MCPH1: variants seen among roughly 807,000 people sequenced by gnomAD.
The protein encoded by MCPH1 is microcephalin 1.
Under a neutral mutation model 84.5 loss-of-function variants are expected in MCPH1, and 104 were observed. The observed-to-expected ratio is 1.23, with a 90% CI of 1.05 to 1.45. The LOEUF is 1.45. Ranked by LOEUF, MCPH1 falls within the 40% of genes most tolerant of loss-of-function variation. MCPH1 has a pLI of 0.00. For missense variants in MCPH1, 1,498 were observed against 1,005.7 expected, an observed-to-expected ratio of 1.49 and a Z score of -6.62; for synonymous variants, 514 against 366.8, an observed-to-expected ratio of 1.40 and a Z score of -4.58.
intron 12 of MCPH1, among the ~76,000 whole-genome samples, chr8:6,552,081 CA>C (rs1182115826): frequency 6.6e-6 from 1 of 152,154 alleles, no homozygotes; most frequent in Non-Finnish European, 1.5e-5. Context: ...CAAAGAAAAT[CA>C]GAGGAAATGG....
At chr8:6,505,866 A>C (rs1390238945) in intron 12 of MCPH1, among the ~76,000 whole-genome samples, 1 of 136,650 alleles carries the variant, frequency 7.3e-6, no homozygotes, top group East Asian at 2.0e-4. Flanking sequence ...ATATAAAAAC[A>C]TACATATTCT....
At chr8:6,522,248 T>G (rs974762086) in intron 12 of MCPH1, among the ~76,000 whole-genome samples, 21 of 151,546 alleles carry the variant, frequency 1.4e-4, no homozygotes, top group African/African-American at 4.1e-4. Context: ...ACAGCTACTC[T>G]GGAGGCTGAG....
At chr8:6,469,767 G>C (rs1807469725) in intron 9 of MCPH1, among the ~76,000 whole-genome samples, 1 of 152,034 alleles carries the variant, frequency 6.6e-6, no homozygotes, top group African/African-American at 2.4e-5. Flanking sequence ...ACCTATCTTT[G>C]GTCTTACTAA....
intron 12 of MCPH1, chr8:6,514,822 T>C (rs1586273707): frequency 6.6e-7 from 1 of 1,514,856 alleles, no homozygotes; most frequent in Non-Finnish European, 9.1e-7. Flanking sequence ...GCCCCCCCAC[T>C]CCCCCCTTAC....
At chr8:6,527,717 A>G in intron 12 of MCPH1, 1 of 1,541,902 alleles carries the variant, frequency 6.5e-7, no homozygotes. Context: ...TTATTTTTTA[A>G]TTAGTTTAAC....
rs576380170 is a variant in MCPH1, at chr8:6,598,840, C to T, written c.2215-22614C>T. ...GCCGAGGGTGGCCAGGCTGGAGCTG[C>T]GGCTTCCCGCCCGATGCATTGCAGA... On this transcript the variant is annotated intron_variant, in intron 12 of 13. Coordinates refer to ENST00000344683, the MANE Select transcript of MCPH1 (RefSeq NM_024596.5). 5.3e-5 allele frequency among the ~76,000 whole-genome samples: 8 copies of T among 152,332 alleles called. No homozygotes were observed. In the East Asian group the frequency reaches 1.2e-3, roughly 22 times the overall value.
chr8:6,622,654 G>A (rs911565916), intron 13 of MCPH1, among the ~76,000 whole-genome samples: 5 of 152,156 alleles, frequency 3.3e-5, no homozygotes, highest in African/African-American at 7.2e-5. Flanking sequence ...ATGGGGTATC[G>A]GCAGCGTTGG....
At chr8:6,472,215 T>C (rs1807815863) in intron 9 of MCPH1, among the ~76,000 whole-genome samples, 1 of 152,200 alleles carries the variant, frequency 6.6e-6, no homozygotes, top group Non-Finnish European at 1.5e-5. Context: ...AAGCATATAA[T>C]TAGAATAGAC....
intron 12 of MCPH1, among the ~76,000 whole-genome samples, chr8:6,612,592 C>T (rs1288715944): frequency 1.3e-5 from 2 of 152,242 alleles, no homozygotes; most frequent in Non-Finnish European, 2.9e-5. Flanking sequence ...CCCACTGCGT[C>T]CGGCACCGCT....
intron 8 of MCPH1, among the ~76,000 whole-genome samples, chr8:6,449,755 C>T (rs1352747986): frequency 6.7e-6 from 1 of 148,310 alleles, no homozygotes; most frequent in Non-Finnish European, 1.5e-5. Flanking sequence ...GAATGGAGAT[C>T]TTCTTGTTTT....
intron 12 of MCPH1, among the ~76,000 whole-genome samples, chr8:6,525,460 C>T (rs1818167808): frequency 1.3e-5 from 2 of 152,176 alleles, no homozygotes; most frequent in Admixed American, 1.3e-4. Flanking sequence ...AAACTCCTGG[C>T]CTCAAGAAAT....
chr8:6,417,757 G>A (rs557966380), intron 3 of MCPH1, among the ~76,000 whole-genome samples: 1 of 152,088 alleles, frequency 6.6e-6, no homozygotes, highest in East Asian at 1.9e-4. Flanking sequence ...ATAAATAGTT[G>A]TCTTAATGAC....
chr8:6,572,791 G>A (rs997007917), intron 12 of MCPH1, among the ~76,000 whole-genome samples: 3 of 152,222 alleles, frequency 2.0e-5, no homozygotes, highest in Admixed American at 1.3e-4. Context: ...GTGAACAGAT[G>A]TCCCATCTGG....
chr8:6,581,568 A>T (rs548345641), intron 12 of MCPH1, among the ~76,000 whole-genome samples: 2 of 152,374 alleles, frequency 1.3e-5, no homozygotes, highest in South Asian at 4.1e-4. Context: ...TGACATTTTT[A>T]CAATACTAGT....
At chr8:6,632,171 G>C (rs567129978) in intron 13 of MCPH1, among the ~76,000 whole-genome samples, 42 of 152,204 alleles carry the variant, frequency 2.8e-4, no homozygotes, top group African/African-American at 9.9e-4. Context: ...ATTACCAAGG[G>C]TGGAGTAGGC....
chr8:6,532,178 G>C (rs1819647201), intron 12 of MCPH1, among the ~76,000 whole-genome samples: 1 of 152,104 alleles, frequency 6.6e-6, no homozygotes, highest in Non-Finnish European at 1.5e-5. Context: ...TTCATAAGCA[G>C]CCATACATCC....
rs145014831 is a variant in MCPH1 at position 6,625,756 on chromosome 8, C to G, written c.2452+4065C>G. 83 of 978,852 alleles carry G rather than the reference C, an allele frequency of 8.5e-5. No individual in the cohort carries two copies. In the African/African-American group the frequency reaches 1.4e-3, roughly 16 times the overall value. 60.6% of individuals were successfully genotyped at this position (978,852 alleles called of 1,614,324 possible). A position where few individuals can be genotyped will look rare whatever the true frequency, so the allele number is the denominator to read the frequency against. On this transcript the variant is annotated intron_variant, in intron 13 of 13. Coordinates refer to ENST00000344683, the MANE Select transcript of MCPH1 (RefSeq NM_024596.5). ...CAACGATCCCACCACTGTACTCCAG[C>G]CTAGGCAACAGAGCAAGACCCCATC...
chr8:6,495,655 G>C (rs988425731), intron 11 of MCPH1, among the ~76,000 whole-genome samples: 4 of 152,108 alleles, frequency 2.6e-5, no homozygotes, highest in South Asian at 2.1e-4. Context: ...TAAATAATGT[G>C]TTTCTACACC....
chr8:6,413,685 A>G (rs928621648), intron 2 of MCPH1, among the ~76,000 whole-genome samples: 1 of 151,040 alleles, frequency 6.6e-6, no homozygotes, highest in African/African-American at 2.4e-5. Context: ...ATCTTTTCTT[A>G]ATTTCCAAGA....
Sources: gnomAD v4.1 joint callset for allele counts (sites outside exome capture counted in the v4.1 genomes callset) on GRCh38, gnomAD v4.1.1 for gene constraint, MANE v1.5 for transcripts, NCBI Gene and HGNC (gene_info 2026-07-23, HGNC 2026-07-21) for gene names.